Variants in DNAAF1 observed in about 807,000 individuals in gnomAD.
DNAAF1 encodes dynein assembly factor 1, axonemal.
In DNAAF1, 65 loss-of-function variants were observed where a neutral mutation model predicts 71.1. That is an observed-to-expected ratio of 0.91 (90% CI 0.75 to 1.12). The LOEUF (loss-of-function observed/expected upper bound fraction) is 1.12, where lower values mean the gene tolerates loss of function less well. DNAAF1 is among the 50% of genes most tolerant of loss of function. The pLI is 0.00. For synonymous variants in DNAAF1, 414 were observed against 354.6 expected (o/e 1.17, Z -1.88); for missense variants, 1,178 against 899.8 (o/e 1.31, Z -3.96).
chr16:84,157,289 C>A (rs903608053), intron 5 of DNAAF1, among the ~76,000 whole-genome samples: 1 of 151,744 alleles, frequency 6.6e-6, no homozygotes, highest in African/African-American at 2.4e-5. Flanking sequence ...TTGGGAGGCC[C>A]AGGTGGGCAG....
chr16:84,163,187 G>A (rs529571594), intron 6 of DNAAF1, among the ~76,000 whole-genome samples: 3 of 152,100 alleles, frequency 2.0e-5, no homozygotes, highest in African/African-American at 7.2e-5. Flanking sequence ...TCTTCTCCTG[G>A]GTATGTATCT....
chr16:84,175,990 G>A lies in DNAAF1; in HGVS notation c.1756G>A (p.Glu586Lys). The A allele has an allele frequency of 1.2e-6, 2 of 1,614,112 alleles. No homozygotes were observed. The highest frequency in any genetic ancestry group is 1.7e-6 in the Non-Finnish European group (2 of 1,179,976). The change falls in exon 11 of 12, where the codon GAA becomes AAA. Residue 586 changes from glutamate (E) to lysine (K), a missense_variant. By Grantham distance (56) the Glu-to-Lys change is moderately conservative. Transcript: ENST00000378553. ...ISSLSDDSDP[E>K]LDYTSLPVLE... ...GAGCTTGAGTGATGACAGTGACCCT[G>A]AACTGGACTACACGTCACTCCCTGT...
chr16:84,165,641 A>G (rs1597457543), intron 6 of DNAAF1, 142 bp from the exon 7 acceptor site: 1 of 825,564 alleles, frequency 1.2e-6, no homozygotes, highest in East Asian at 2.5e-5. Flanking sequence ...AAATAATAAA[A>G]TTTACATGTG....
chr16:84,152,509 G>A (rs2087232368), intron 3 of DNAAF1, among the ~76,000 whole-genome samples: 1 of 151,858 alleles, frequency 6.6e-6, no homozygotes. Flanking sequence ...AATTGGCCAG[G>A]TGTGATGGTG....
chr16:84,176,265 C>T lies in DNAAF1; in HGVS notation c.2031C>T (p.Asp677=). Residue 677 remains aspartate, a synonymous_variant, in exon 11 of 12, where the codon GAC becomes GAT. Transcript: ENST00000378553. Reference sequence around the variant, plus strand: ...CTGCACCACTCACTTCCAGTGGAGACAGGGACAGCGACTTCCTTGCAGCCT... The same window carrying T: ...CTGCACCACTCACTTCCAGTGGAGATAGGGACAGCGACTTCCTTGCAGCCT... ...RDAAPLTSSG[D]RDSDFLAASS... 6.2e-7 allele frequency: 1 copy of T among 1,613,652 alleles called. No individual in the cohort carries two copies.
chr16:84,160,716 C>T lies in DNAAF1; in HGVS notation c.863+920C>T, dbSNP rs541343814. 5.5e-4 allele frequency among the ~76,000 whole-genome samples: 84 copies of T among 151,506 alleles called. 2 individuals are homozygous for T. Among genetic ancestry groups the T allele is most frequent in the African/African-American group, 1.8e-3 (74 of 41,300 alleles). ...TTGGGAGGCCAAGGCGGGCGGATCA[C>T]GAGGTCAGGAGATCGAGACCACCCT... On this transcript the variant is annotated intron_variant, in intron 6 of 11. Transcript: ENST00000378553.
Position 84,177,915 on chromosome 16 carries a change from C to A in DNAAF1, c.*74C>A. 1 of 1,254,168 alleles carries A rather than the reference C, an allele frequency of 8.0e-7. No homozygotes were observed. Among genetic ancestry groups the A allele is most frequent in the Non-Finnish European group, 1.2e-6 (1 of 858,508 alleles). The allele number at this position is 1,254,168 out of a possible 1,614,324, so 77.7% of individuals were successfully genotyped here. ...CTTAGGCATGATAAACATTTTAACA[C>A]CCACGCGAGTCAGTGTATGATTGGG... On this transcript the variant is annotated 3_prime_UTR_variant, in exon 12 of 12. Transcript: ENST00000378553.
intron 6 of DNAAF1, among the ~76,000 whole-genome samples, chr16:84,164,556 G>A (rs1452271335): frequency 2.6e-5 from 4 of 152,176 alleles, no homozygotes; most frequent in Non-Finnish European, 4.4e-5. Flanking sequence ...CACTTAGCAA[G>A]GAAGTTAGGC....
At chr16:84,160,587 C>T (rs1466870252) in intron 6 of DNAAF1, among the ~76,000 whole-genome samples, 1 of 152,104 alleles carries the variant, frequency 6.6e-6, no homozygotes, top group Non-Finnish European at 1.5e-5. Flanking sequence ...TTTAAACTCA[C>T]AAATTTAAAT....
At position 84,172,307 on chromosome 16, in the gene DNAAF1, C is replaced by T; in HGVS notation, c.1576C>T (p.Leu526Phe). Residue 526 changes from leucine to phenylalanine, a missense_variant, in exon 9 of 12, where the codon CTT (leucine) becomes TTT (phenylalanine). Coordinates refer to ENST00000378553, the MANE Select transcript of DNAAF1 (RefSeq NM_178452.6). ...VATEGVFVTE[L>F]DGTRTEDLET... Reference sequence around the variant, plus strand: ...CACTGAGGGTGTATTCGTTACAGAACTTGATGGAACGAGAACGGAAGATTT... The same window carrying T: ...CACTGAGGGTGTATTCGTTACAGAATTTGATGGAACGAGAACGGAAGATTT... The T allele has an allele frequency of 3.1e-6, 5 of 1,614,210 alleles. No individual in the cohort carries two copies. The highest frequency in any genetic ancestry group is 4.2e-6 in the Non-Finnish European group (5 of 1,180,046).
At chr16:84,159,613 C>T (rs2087607920) in intron 5 of DNAAF1, 62 bp from the exon 6 acceptor site, 2 of 1,552,258 alleles carry the variant, frequency 1.3e-6, no homozygotes, top group South Asian at 1.2e-5. Flanking sequence ...GTGCACAGCA[C>T]ATATAAAATA....
At chr16:84,146,150 C>G (rs2086894812) in intron 1 of DNAAF1, among the ~76,000 whole-genome samples, 1 of 152,168 alleles carries the variant, frequency 6.6e-6, no homozygotes, top group Non-Finnish European at 1.5e-5. Context: ...CAGGCCCAGA[C>G]AGTCTGGGTC....
intron 9 of DNAAF1, chr16:84,172,699 G>C: frequency 8.3e-7 from 1 of 1,210,328 alleles, no homozygotes; most frequent in Admixed American, 3.6e-5. Context: ...ATCTTGCTAA[G>C]TGGTTCTGAC....
At chr16:84,167,593 A>T (rs984351353) in intron 7 of DNAAF1, among the ~76,000 whole-genome samples, 1 of 152,192 alleles carries the variant, frequency 6.6e-6, no homozygotes, top group African/African-American at 2.4e-5. Flanking sequence ...TTGAAGACCA[A>T]ATATTAGAAC....
chr16:84,167,054 C>T (rs752729101), intron 7 of DNAAF1, among the ~76,000 whole-genome samples: 1 of 152,130 alleles, frequency 6.6e-6, no homozygotes, highest in South Asian at 2.1e-4. Flanking sequence ...ATGCCAACCG[C>T]GAGTCTCAGG....
In DNAAF1 at chr16:84,155,624, C is replaced by G. The variant is rs1484970130; in HGVS notation, c.616C>G (p.His206Asp). Residue 206 changes from histidine to aspartate, a missense_variant, in exon 5 of 12, where the codon CAC becomes GAC. His to Asp is a moderately conservative substitution (Grantham distance 81). Coordinates refer to ENST00000378553, the MANE Select transcript of DNAAF1 (RefSeq NM_178452.6). ...GAACACATTGCAGATGGCCCACAAT[C>G]ACCTGGAGACCGTGGAGGACATTCA... ...VLNTLQMAHN[H>D]LETVEDIQHL... 1 of 1,614,190 alleles carries G rather than the reference C, an allele frequency of 6.2e-7. No individual in the cohort carries two copies. The highest frequency in any genetic ancestry group is 1.7e-5 in the Admixed American group (1 of 60,016).
intron 1 of DNAAF1, among the ~76,000 whole-genome samples, chr16:84,147,509 CT>C (rs2086968906): frequency 6.6e-6 from 1 of 151,790 alleles, no homozygotes; most frequent in African/African-American, 2.4e-5. Context: ...TGTGATTTTC[CT>C]TTTTATGATT....
intron 5 of DNAAF1, among the ~76,000 whole-genome samples, chr16:84,156,353 T>G (rs1278837608): frequency 1.3e-5 from 2 of 152,252 alleles, no homozygotes; most frequent in Non-Finnish European, 2.9e-5. Context: ...GTGGTGCCAC[T>G]TAACATGTTC....
At position 84,170,175 on chromosome 16, in the gene DNAAF1, C is replaced by T. The variant is rs911513640; in HGVS notation, c.1347C>T (p.Pro449=). The change falls in exon 8 of 12, where the codon CCC becomes CCT. Residue 449 remains proline, a synonymous_variant. Transcript: ENST00000378553. ...CCCTCCCAGCTGAGGCCCCACCACC[C>T]CCGCCACCTGTGGAGGTTAAAGGAG... is the stretch of plus-strand genomic sequence containing the variant. ...EGTLPAEAPP[P]PPPVEVKGED... is the part of the protein sequence containing the mutation. The T allele has an allele frequency of 6.3e-7, 1 of 1,579,878 alleles. No homozygotes were observed.
Sources: gnomAD v4.1 joint callset for allele counts (sites outside exome capture counted in the v4.1 genomes callset) on GRCh38, gnomAD v4.1.1 for gene constraint, MANE v1.5 for transcripts, NCBI Gene and HGNC (gene_info 2026-07-23, HGNC 2026-07-21) for gene names.